Variants in CPNE1 observed in about 807,000 individuals in gnomAD.
CPNE1 encodes the protein copine-1.
CPNE1 carries 58 observed loss-of-function variants against 63.2 expected under a neutral mutation model. The observed-to-expected ratio is 0.92, with a 90% CI of 0.74 to 1.14. CPNE1 has a LOEUF of 1.14. Among genes scored for constraint, CPNE1 ranks in the 50% most tolerant of loss-of-function variants. CPNE1 has a pLI of 0.00. For synonymous variants in CPNE1, 237 were observed against 249.0 expected, an observed-to-expected ratio of 0.95 and a Z score of 0.45; for missense variants, 672 against 661.7, an observed-to-expected ratio of 1.02 and a Z score of -0.17.
chr20:35,639,024 G>A (rs1329994955), intron 1 of CPNE1, among the ~76,000 whole-genome samples: 3 of 151,566 alleles, frequency 2.0e-5, no homozygotes, highest in Non-Finnish European at 4.4e-5. Context: ...TGGGTCACAG[G>A]AGTGTGTGCA....
At chr20:35,650,264 C>T (rs2033407493) in intron 1 of CPNE1, 1 of 152,044 alleles carries the variant, frequency 6.6e-6, no homozygotes, top group South Asian at 2.1e-4. Context: ...ATTAGATGAA[C>T]AATGAAATCG....
chr20:35,661,610 G>T (rs749274497), intron 1 of CPNE1, among the ~76,000 whole-genome samples: 2 of 152,078 alleles, frequency 1.3e-5, no homozygotes, highest in Non-Finnish European at 2.9e-5. Flanking sequence ...GCTTCAACTT[G>T]ACAAAATACC....
intron 5 of CPNE1, 65 bp downstream of exon 5, chr20:35,632,098 C>T (rs2032189004): frequency 1.3e-6 from 2 of 1,599,842 alleles, no homozygotes; most frequent in Non-Finnish European, 1.7e-6. Context: ...TCCACACCCC[C>T]ATCCCCCATA....
chr20:35,637,874 C>T (rs531148928), intron 1 of CPNE1, among the ~76,000 whole-genome samples: 1 of 152,320 alleles, frequency 6.6e-6, no homozygotes, highest in East Asian at 1.9e-4. Context: ...TCCACATATA[C>T]CTAACACCAA....
chr20:35,657,853 GA>G (rs2033992896), intron 1 of CPNE1, among the ~76,000 whole-genome samples: 1 of 152,116 alleles, frequency 6.6e-6, no homozygotes, highest in African/African-American at 2.4e-5. Context: ...CCGAGGTCAG[GA>G]GTTCAAGACC....
At chr20:35,654,577 G>C (rs199976167) in intron 1 of CPNE1, 1 of 1,614,082 alleles carries the variant, frequency 6.2e-7, no homozygotes, top group Non-Finnish European at 8.5e-7. Flanking sequence ...CACAGGTGGC[G>C]GATTCAAGGG....
chr20:35,654,112 G>T (rs1434816327), intron 1 of CPNE1: 5 of 1,614,210 alleles, frequency 3.1e-6, no homozygotes, highest in Non-Finnish European at 3.4e-6. Context: ...TGTCTGAGGA[G>T]GGGGATGAGT....
chr20:35,659,686 A>T lies in CPNE1; in HGVS notation c.-1+5074T>A, dbSNP rs146186381. On this transcript the variant is annotated intron_variant, in intron 1 of 15. Coordinates refer to ENST00000397443, the MANE Select transcript of CPNE1 (RefSeq NM_152925.3). The stretch of plus-strand genomic sequence containing the variant: ...AAATAAATAAAATAAAATAAAATTT[A>T]AAAACACCCTAAAAATGCCTGACAT... Among the ~76,000 whole-genome samples, 28 of 152,328 alleles carry T rather than the reference A, an allele frequency of 1.8e-4. 1 individual carries two copies. In the East Asian group the frequency reaches 4.8e-3, roughly 26 times the overall value.
At chr20:35,661,046 A>G (rs2146379102) in intron 1 of CPNE1, among the ~76,000 whole-genome samples, 1 of 152,350 alleles carries the variant, frequency 6.6e-6, no homozygotes, top group South Asian at 2.1e-4. Context: ...TATGTGTACA[A>G]CTTAAAGCAC....
chr20:35,653,375 G>A (rs758887714), intron 1 of CPNE1: 3 of 1,614,082 alleles, frequency 1.9e-6, no homozygotes, highest in Non-Finnish European at 2.5e-6. Flanking sequence ...GGCATTCCTG[G>A]AACTGCAGGA....
chr20:35,641,058 C>G (rs1448581168), intron 1 of CPNE1, among the ~76,000 whole-genome samples: 3 of 152,178 alleles, frequency 2.0e-5, no homozygotes, highest in Non-Finnish European at 4.4e-5. Context: ...TGTTTACTCC[C>G]TCTGCCAACC....
intron 1 of CPNE1, among the ~76,000 whole-genome samples, chr20:35,646,101 G>A (rs1180059872): frequency 1.4e-5 from 2 of 146,830 alleles, no homozygotes; most frequent in Non-Finnish European, 3.0e-5. Context: ...CCCTACCCCA[G>A]CAATTACCTC....
chr20:35,632,542 C>T lies in CPNE1; in HGVS notation c.284G>A (p.Gly95Glu). Residue 95 changes from glycine (G) to glutamate (E), a missense_variant, in exon 3 of 16, where the codon GGG becomes GAG. Transcript: ENST00000397443. ...CTGTCCTAGGGAACACTCAGCACCCCCTAGGAAGTCATCATCCCTCAGCTC... is the reference window on the plus strand; with the variant it reads ...CTGTCCTAGGGAACACTCAGCACCCTCTAGGAAGTCATCATCCCTCAGCTC... ...TPELRDDDFL[G>E]GAECSLGQIV... 1 of 1,613,800 alleles carries T rather than the reference C, an allele frequency of 6.2e-7. No homozygotes were observed. The highest frequency in any genetic ancestry group is 1.1e-5 in the South Asian group (1 of 91,078).
chr20:35,658,921 A>G (rs1568943588), intron 1 of CPNE1: 1 of 714,432 alleles, frequency 1.4e-6, no homozygotes, highest in Admixed American at 2.0e-5. Flanking sequence ...TCTATTCAAA[A>G]TCTCTTACCT....
intron 13 of CPNE1, among the ~76,000 whole-genome samples, chr20:35,629,024 A>T (rs1210471594): frequency 1.3e-5 from 2 of 152,246 alleles, no homozygotes; most frequent in African/African-American, 2.4e-5. Context: ...ACATATTTTT[A>T]ATCTTTTTTC....
chr20:35,630,789 C>G lies in CPNE1; in HGVS notation c.1002G>C (p.Lys334Asn). 1.2e-6 allele frequency: 2 copies of G among 1,613,680 alleles called. No homozygotes were observed. Among genetic ancestry groups the G allele is most frequent in the Non-Finnish European group, 1.7e-6 (2 of 1,179,796 alleles). ...CCCCAAATCCAAATGCAGGGAACAG[C>G]TTGTCTCTGTGGGAGGACAGTGTAT... ...GSVVQDYDSD[K>N]LFPAFGFGAQ... The change falls in exon 12 of 16, where the codon AAG (lysine) becomes AAC (asparagine). Residue 334 changes from lysine (K) to asparagine (N), a missense_variant. Physicochemically the swap from Lys to Asn is moderately conservative, Grantham distance 94 (BLOSUM62 0). Coordinates refer to ENST00000397443, the MANE Select transcript of CPNE1 (RefSeq NM_152925.3).
chr20:35,653,240 C>T, intron 1 of CPNE1: 1 of 1,613,608 alleles, frequency 6.2e-7, no homozygotes, highest in Non-Finnish European at 8.5e-7. Flanking sequence ...GGTATTCCTG[C>T]ACTGGGCATT....
chr20:35,652,993 T>C, intron 1 of CPNE1: 9 of 1,613,806 alleles, frequency 5.6e-6, no homozygotes, highest in Non-Finnish European at 6.8e-6. Flanking sequence ...ACTTAAATTG[T>C]TTGGTCCACC....
At position 35,653,206 on chromosome 20, in the gene CPNE1, G is replaced by C. The variant is rs530423209; in HGVS notation, c.-1+11554C>G. 29 of 1,613,506 alleles carry C rather than the reference G, an allele frequency of 1.8e-5. No individual in the cohort carries two copies. The Middle Eastern group carries it at 8.3e-4, about 46-fold the overall frequency. ...TTCCTTTGATCCTACAGTCAGGAAG[G>C]CATGCTCTTCACCTCCTGCACTAGG... On this transcript the variant is annotated intron_variant, in intron 1 of 15. Coordinates refer to ENST00000397443, the MANE Select transcript of CPNE1 (RefSeq NM_152925.3).
Sources: gnomAD v4.1 joint callset for allele counts (sites outside exome capture counted in the v4.1 genomes callset) on GRCh38, gnomAD v4.1.1 for gene constraint, MANE v1.5 for transcripts, NCBI Gene and HGNC (gene_info 2026-07-23, HGNC 2026-07-21) for gene names.